The following TMEM178B variants were observed in gnomAD, a reference collection of about 807,000 sequenced individuals.
The protein encoded by TMEM178B is transmembrane protein 178B.
TMEM178B carries 5 observed loss-of-function variants against 31.0 expected under a neutral mutation model. The observed-to-expected ratio is 0.16, with a 90% CI of 0.08 to 0.34. The LOEUF (loss-of-function observed/expected upper bound fraction) is 0.34, where lower values mean the gene tolerates loss of function less well. Among genes scored for constraint, TMEM178B ranks in the 10% least tolerant of loss-of-function variants. The probability of loss-of-function intolerance (pLI) is 1.00; values close to 1 mark genes in which losing one functional copy is unlikely to be tolerated. For missense variants in TMEM178B, 275 were observed against 400.3 expected (o/e 0.69, Z 2.67); for synonymous variants, 164 against 164.0 (o/e 1.00, Z 0.00).
chr7:141,491,068 C>T, the TMEM178B span, among the ~76,000 whole-genome samples: 1 of 151,982 alleles, frequency 6.6e-6, no homozygotes, highest in Non-Finnish European at 1.5e-5. Context: ...TGATCTGTTG[C>T]CCAGGCTGGA....
At chr7:141,440,481 A>G (rs768054296) in intron 3 of TMEM178B, among the ~76,000 whole-genome samples, 12 of 151,520 alleles carry the variant, frequency 7.9e-5, no homozygotes, top group Non-Finnish European at 1.3e-4. Flanking sequence ...ATTTTATGGT[A>G]CTAGGGATGA....
chr7:141,337,253 ACAT>A (rs1223443184), intron 2 of TMEM178B, among the ~76,000 whole-genome samples: 2 of 92,340 alleles, frequency 2.2e-5, no homozygotes, highest in African/African-American at 4.4e-5. Flanking sequence ...CACCATGATC[ACAT>A]CATCACCACC....
chr7:141,507,150 T>C, the TMEM178B span, among the ~76,000 whole-genome samples: 27 of 152,298 alleles, frequency 1.8e-4, no homozygotes, highest in Admixed American at 9.8e-4. Context: ...CCGTGCAAGC[T>C]GTCGGTGCAT....
At chr7:141,215,331 A>ATTC (rs1317238195) in intron 2 of TMEM178B, among the ~76,000 whole-genome samples, 3 of 69,196 alleles carry the variant, frequency 4.3e-5, no homozygotes, top group Admixed American at 1.7e-4. Context: ...TATTATTATT[A>ATTC]TTATTATTTT....
intron 2 of TMEM178B, among the ~76,000 whole-genome samples, chr7:141,381,017 A>G (rs1800305660): frequency 6.6e-6 from 1 of 152,200 alleles, no homozygotes; most frequent in Admixed American, 6.5e-5. Context: ...CCATAACCAC[A>G]ACACAATTCA....
chr7:141,098,017 C>T (rs1407446016), intron 1 of TMEM178B, among the ~76,000 whole-genome samples: 1 of 151,960 alleles, frequency 6.6e-6, no homozygotes. Flanking sequence ...GTCTCGAACT[C>T]CTGGGCTCAA....
chr7:141,208,077 C>T (rs1796994283), intron 1 of TMEM178B, among the ~76,000 whole-genome samples: 1 of 152,116 alleles, frequency 6.6e-6, no homozygotes, highest in Non-Finnish European at 1.5e-5. Flanking sequence ...CCTGTAGTCA[C>T]AGCTATTGCA....
chr7:141,343,120 G>A (rs1166414795), intron 2 of TMEM178B, among the ~76,000 whole-genome samples: 7 of 152,292 alleles, frequency 4.6e-5, no homozygotes, highest in African/African-American at 1.4e-4. Context: ...CGATGCTCAC[G>A]CTGCTGGTCC....
At chr7:141,273,781 C>A (rs1399970017) in intron 2 of TMEM178B, among the ~76,000 whole-genome samples, 1 of 152,232 alleles carries the variant, frequency 6.6e-6, no homozygotes, top group South Asian at 2.1e-4. Context: ...TAGCAATGCC[C>A]GTTTCTTTAT....
chr7:141,095,117 A>G (rs974700077), intron 1 of TMEM178B, among the ~76,000 whole-genome samples: 2 of 152,202 alleles, frequency 1.3e-5, no homozygotes, highest in African/African-American at 4.8e-5. Context: ...TTTTTTGAGA[A>G]GGTATGGATG....
chr7:141,370,934 G>A lies in TMEM178B; in HGVS notation c.497-66674G>A, dbSNP rs564646885. ...ATGGATCTCTCTTTTCTGAGAGGAT[G>A]CACGGTTACCAGGTTCAGGGGATGA... is the stretch of plus-strand genomic sequence containing the variant. On this transcript the variant is annotated intron_variant, in intron 2 of 3. Transcript: ENST00000565468. Among the ~76,000 whole-genome samples, 22 of 152,340 alleles carry A rather than the reference G, an allele frequency of 1.4e-4. No homozygotes were observed. In the South Asian group the frequency reaches 4.1e-3, roughly 29 times the overall value.
chr7:141,161,956 G>A (rs1392103804), intron 1 of TMEM178B, among the ~76,000 whole-genome samples: 1 of 70,318 alleles, frequency 1.4e-5, no homozygotes, highest in Non-Finnish European at 2.9e-5. Flanking sequence ...TTGTGAGAGA[G>A]CATGAGAGTG....
chr7:141,296,275 C>T (rs962165282), intron 2 of TMEM178B, among the ~76,000 whole-genome samples: 1 of 152,106 alleles, frequency 6.6e-6, no homozygotes, highest in African/African-American at 2.4e-5. Flanking sequence ...ACCATGTTGG[C>T]CAGGCTGGTC....
At chr7:141,429,269 G>C (rs1238352638) in intron 2 of TMEM178B, among the ~76,000 whole-genome samples, 1 of 151,454 alleles carries the variant, frequency 6.6e-6, no homozygotes, top group East Asian at 1.9e-4. Context: ...CATATCACCT[G>C]AGTGTCAACC....
At chr7:141,414,955 A>G (rs1475118696) in intron 2 of TMEM178B, 1 of 152,220 alleles carries the variant, frequency 6.6e-6, no homozygotes, top group Non-Finnish European at 1.5e-5. Flanking sequence ...GCTAAGGGTC[A>G]TGCTGAGCTA....
At chr7:141,354,751 A>T (rs1799790339) in intron 2 of TMEM178B, among the ~76,000 whole-genome samples, 1 of 152,018 alleles carries the variant, frequency 6.6e-6, no homozygotes, top group South Asian at 2.1e-4. Flanking sequence ...CACTCCCTTT[A>T]GTTCCATTTC....
intron 1 of TMEM178B, among the ~76,000 whole-genome samples, chr7:141,116,023 A>G (rs1014946443): frequency 1.3e-5 from 2 of 152,182 alleles, no homozygotes; most frequent in Admixed American, 1.3e-4. Context: ...TTTTTACTCA[A>G]ATGAAATTGC....
At chr7:141,197,065 T>C (rs2129185690) in intron 1 of TMEM178B, among the ~76,000 whole-genome samples, 1 of 152,304 alleles carries the variant, frequency 6.6e-6, no homozygotes, top group African/African-American at 2.4e-5. Context: ...TTGCTGCATA[T>C]CTTAAAGGAC....
At chr7:141,158,409 A>C (rs139203457) in intron 1 of TMEM178B, among the ~76,000 whole-genome samples, 1 of 152,164 alleles carries the variant, frequency 6.6e-6, no homozygotes, top group South Asian at 2.1e-4. Flanking sequence ...CAGGTTGCCA[A>C]TTGATGTCTG....
Sources: gnomAD v4.1 joint callset for allele counts (sites outside exome capture counted in the v4.1 genomes callset) on GRCh38, gnomAD v4.1.1 for gene constraint, MANE v1.5 for transcripts, NCBI Gene and HGNC (gene_info 2026-07-23, HGNC 2026-07-21) for gene names.